ATXN7: variants seen among roughly 807,000 people sequenced by gnomAD.
The protein encoded by ATXN7 is ataxin 7, also known as ataxin-7.
In ATXN7, 12 loss-of-function variants were observed where a neutral mutation model predicts 70.5. The ratio of observed to expected loss-of-function variants is 0.17; its 90% CI spans 0.11 to 0.28. ATXN7 has a LOEUF of 0.28. Ranked by LOEUF, ATXN7 falls within the 10% of genes least tolerant of loss-of-function variation. The pLI, the probability that ATXN7 is intolerant of heterozygous loss-of-function variation, is 1.00. For synonymous variants in ATXN7, 498 were observed against 448.7 expected, an observed-to-expected ratio of 1.11 and a Z score of -1.39; for missense variants, 1,256 against 1,131.7, an observed-to-expected ratio of 1.11 and a Z score of -1.58.
At chr3:63,915,453 C>T (rs1028156666) in intron 4 of ATXN7, among the ~76,000 whole-genome samples, 1 of 152,138 alleles carries the variant, frequency 6.6e-6, no homozygotes, top group African/African-American at 2.4e-5. Flanking sequence ...CTCAGTGGAC[C>T]TTTATGTTCT....
At chr3:63,990,956 C>CT in intron 11 of ATXN7, 97 bp downstream of exon 11, 1 of 1,572,962 alleles carries the variant, frequency 6.4e-7, no homozygotes, top group Non-Finnish European at 8.7e-7. Flanking sequence ...ATATGCTTAT[C>CT]TAAACAAAAC....
At chr3:63,979,857 A>G in intron 5 of ATXN7, 58 bp from the exon 6 acceptor site, 1 of 1,600,512 alleles carries the variant, frequency 6.2e-7, no homozygotes, top group African/African-American at 1.3e-5. Context: ...TTCTTCCAGA[A>G]TTACATTTGA....
chr3:63,932,534 T>C (rs1396990786), intron 4 of ATXN7, among the ~76,000 whole-genome samples: 2 of 152,188 alleles, frequency 1.3e-5, no homozygotes, highest in Non-Finnish European at 2.9e-5. Context: ...TGTTTTTAAA[T>C]GACTTCATTG....
chr3:63,989,373 T>G (rs1337423875), intron 9 of ATXN7, among the ~76,000 whole-genome samples: 1 of 152,228 alleles, frequency 6.6e-6, no homozygotes, highest in African/African-American at 2.4e-5. Flanking sequence ...GGCTGTAGGC[T>G]ATCCACATAA....
chr3:63,941,117 A>G (rs1247151856), intron 4 of ATXN7, among the ~76,000 whole-genome samples: 1 of 152,238 alleles, frequency 6.6e-6, no homozygotes, highest in African/African-American at 2.4e-5. Flanking sequence ...AGCAATGACA[A>G]TGTAAACACT....
intron 2 of ATXN7, among the ~76,000 whole-genome samples, chr3:63,907,202 C>T (rs1192039027): frequency 6.6e-6 from 1 of 152,096 alleles, no homozygotes; most frequent in Non-Finnish European, 1.5e-5. Flanking sequence ...AAGTGATTTC[C>T]CCAGAGTTAC....
intron 5 of ATXN7, among the ~76,000 whole-genome samples, chr3:63,952,894 G>T (rs2074980258): frequency 1.1e-5 from 1 of 90,938 alleles, no homozygotes. Context: ...AAACTTCTCT[G>T]TTCAATAGTT....
chr3:63,969,560 T>G (rs1213262218), intron 5 of ATXN7, among the ~76,000 whole-genome samples: 1 of 152,236 alleles, frequency 6.6e-6, no homozygotes, highest in African/African-American at 2.4e-5. Flanking sequence ...CTCTCTCTTT[T>G]TATGTTTTTG....
chr3:63,971,385 G>T (rs949857274), intron 5 of ATXN7, among the ~76,000 whole-genome samples: 4 of 152,118 alleles, frequency 2.6e-5, no homozygotes, highest in African/African-American at 9.7e-5. Context: ...GCTCTCTCTG[G>T]AATAGTTTCA....
chr3:63,956,625 A>T (rs536273040), intron 5 of ATXN7, among the ~76,000 whole-genome samples: 5 of 152,092 alleles, frequency 3.3e-5, no homozygotes, highest in African/African-American at 1.2e-4. Flanking sequence ...TCTGCATTCT[A>T]AACAGCTCCC....
chr3:63,967,644 T>G, intron 5 of ATXN7: 1 of 556,036 alleles, frequency 1.8e-6, no homozygotes, highest in Non-Finnish European at 2.7e-6. Context: ...AATTCCATCT[T>G]CCCCAGTTTT....
At chr3:63,913,616 A>G (rs1704147118) in intron 4 of ATXN7, among the ~76,000 whole-genome samples, 1 of 152,204 alleles carries the variant, frequency 6.6e-6, no homozygotes, top group Non-Finnish European at 1.5e-5. Flanking sequence ...ACGAATTTTG[A>G]ACTTAAAGAA....
intron 8 of ATXN7, 37 bp from the exon 9 acceptor site, chr3:63,988,022 T>C (rs1477582497): frequency 1.9e-6 from 3 of 1,607,636 alleles, no homozygotes; most frequent in Admixed American, 1.7e-5. Flanking sequence ...AAATTATTAA[T>C]GAGATTCCTC....
intron 1 of ATXN7, among the ~76,000 whole-genome samples, chr3:63,865,681 A>G (rs1163891931): frequency 1.3e-5 from 2 of 151,834 alleles, no homozygotes; most frequent in African/African-American, 4.8e-5. Flanking sequence ...CACGAGGTCA[A>G]GAGATCGAGA....
intron 4 of ATXN7, among the ~76,000 whole-genome samples, chr3:63,929,920 A>G (rs1436704824): frequency 1.3e-5 from 2 of 152,076 alleles, no homozygotes; most frequent in Non-Finnish European, 2.9e-5. Flanking sequence ...GGCTCATCAC[A>G]CAGTGGTTCA....
chr3:63,989,873 A>T (rs1575996083), intron 9 of ATXN7, among the ~76,000 whole-genome samples: 1 of 152,210 alleles, frequency 6.6e-6, no homozygotes, highest in African/African-American at 2.4e-5. Context: ...TAAATTCCAC[A>T]TGTATTTCCC....
chr3:63,948,057 G>A (rs1267390867), intron 4 of ATXN7, among the ~76,000 whole-genome samples: 1 of 152,106 alleles, frequency 6.6e-6, no homozygotes, highest in Non-Finnish European at 1.5e-5. Context: ...GATCTGGTGG[G>A]GAATTTTAAA....
Position 63,999,705 on chromosome 3 carries a change from C to A in ATXN7, c.*238C>A. 1 of 720,700 alleles carries A rather than the reference C, an allele frequency of 1.4e-6. No homozygotes were observed. The highest frequency in any genetic ancestry group is 2.4e-6 in the Non-Finnish European group (1 of 423,314). The allele number at this position is 720,700 out of a possible 1,614,324, so 44.6% of individuals were successfully genotyped here. The stretch of plus-strand genomic sequence containing the variant: ...AGTTCAGCCACCGAATTGCTTTTAT[C>A]AGTGTTAAAGTGGTCTGAACTGCTT... On this transcript the variant is annotated 3_prime_UTR_variant, in exon 13 of 13. Coordinates refer to ENST00000674280, the MANE Select transcript of ATXN7 (RefSeq NM_001377405.1).
In ATXN7 at chr3:63,990,379, GT is replaced by G; in HGVS notation, c.1560+7del. On this transcript the variant is annotated splice_donor_region_variant and intron_variant, in intron 10 of 12. Coordinates refer to ENST00000674280, the MANE Select transcript of ATXN7 (RefSeq NM_001377405.1). ...CATCATCCTCAGCCAGCATCTGTAA[GT>G]TCCACGTCCACCCCCGCGTTGACCC... 6.2e-7 allele frequency: 1 copy of G among 1,614,100 alleles called. No individual in the cohort carries two copies. Among genetic ancestry groups the G allele is most frequent in the Non-Finnish European group, 8.5e-7 (1 of 1,180,010 alleles).
Sources: allele counts gnomAD v4.1 joint callset (sites outside exome capture counted in the v4.1 genomes callset), GRCh38; gene constraint gnomAD v4.1.1; transcripts MANE v1.5; gene names NCBI Gene and HGNC (gene_info 2026-07-23, HGNC 2026-07-21).